Variants in FAM171A1 observed in about 807,000 individuals in gnomAD.
FAM171A1 encodes the protein family with sequence similarity 171 member A1, also known as protein FAM171A1.
FAM171A1 carries 23 observed loss-of-function variants against 74.9 expected under a neutral mutation model. The ratio of observed to expected loss-of-function variants is 0.31; its 90% CI spans 0.22 to 0.44. The LOEUF (loss-of-function observed/expected upper bound fraction) is 0.44. Ranked by LOEUF, FAM171A1 falls within the 20% of genes least tolerant of loss-of-function variation. The pLI, the probability that FAM171A1 is intolerant of heterozygous loss-of-function variation, is 1.00. For missense variants in FAM171A1, 1,162 were observed against 1,159.2 expected (o/e 1.00, Z -0.03); for synonymous variants, 527 against 505.7 (o/e 1.04, Z -0.57).
intron 1 of FAM171A1, among the ~76,000 whole-genome samples, chr10:15,352,449 G>T (rs540438704): frequency 4.7e-4 from 72 of 152,238 alleles, no homozygotes; most frequent in African/African-American, 1.7e-3. Flanking sequence ...GGGTCCAAAA[G>T]CTAGTAGCTC....
intron 1 of FAM171A1, among the ~76,000 whole-genome samples, chr10:15,299,922 G>A (rs987395566): frequency 6.6e-6 from 1 of 151,782 alleles, no homozygotes; most frequent in African/African-American, 2.4e-5. Flanking sequence ...AGCTTGCAGT[G>A]AACCGAGCTA....
At chr10:15,228,809 C>T (rs544710318) in intron 5 of FAM171A1, among the ~76,000 whole-genome samples, 43 of 152,302 alleles carry the variant, frequency 2.8e-4, no homozygotes, top group African/African-American at 9.1e-4. Flanking sequence ...TAGTCGTGTG[C>T]GCTGAGGACA....
chr10:15,348,003 G>T (rs891320570), intron 1 of FAM171A1, among the ~76,000 whole-genome samples: 2 of 151,926 alleles, frequency 1.3e-5, no homozygotes, highest in Non-Finnish European at 2.9e-5. Flanking sequence ...TTTGAGACGG[G>T]GTCTTGTTCT....
At chr10:15,244,019 G>C (rs1415596662) in intron 5 of FAM171A1, among the ~76,000 whole-genome samples, 1 of 152,064 alleles carries the variant, frequency 6.6e-6, no homozygotes, top group East Asian at 1.9e-4. Flanking sequence ...CAAAGTGCTG[G>C]GATTACAGGC....
chr10:15,222,563 C>T (rs1834052438), intron 5 of FAM171A1, among the ~76,000 whole-genome samples: 2 of 152,248 alleles, frequency 1.3e-5, no homozygotes, highest in South Asian at 2.1e-4. Flanking sequence ...ACCCAATCAT[C>T]ATCCTGTGAC....
rs1206832690 is a variant in FAM171A1, at chr10:15,352,050, AAAAATACAATTTTTTTTTGT to A, written c.97+18886_97+18905del. ...TAAATACAAAAATACAAAATACAAA[AAAAATACAATTTTTTTTTGT>A]AAAAATACAAAAAAAAAAAATTAGC... On this transcript the variant is annotated intron_variant, in intron 1 of 7. Coordinates refer to ENST00000378116, the MANE Select transcript of FAM171A1 (RefSeq NM_001010924.2). Among the ~76,000 whole-genome samples the A allele has an allele frequency of 8.9e-4, 73 of 81,772 alleles. No homozygotes were observed. The East Asian group carries it at 0.015, about 16-fold the overall frequency. The allele number at this position is 81,772 out of a possible 152,430, so 53.6% of individuals were successfully genotyped here.
At chr10:15,218,783 G>C (rs754978985) in intron 6 of FAM171A1, among the ~76,000 whole-genome samples, 2 of 151,998 alleles carry the variant, frequency 1.3e-5, no homozygotes, top group Non-Finnish European at 1.5e-5. Context: ...TTTTTTAGAA[G>C]TGGGGTCTTG....
At chr10:15,294,632 A>G (rs529798117) in intron 1 of FAM171A1, among the ~76,000 whole-genome samples, 3 of 152,348 alleles carry the variant, frequency 2.0e-5, no homozygotes, top group Admixed American at 6.5e-5. Context: ...TACAAAGAGC[A>G]TCTGCTTTGT....
At chr10:15,233,644 C>T (rs1252981927) in intron 5 of FAM171A1, among the ~76,000 whole-genome samples, 2 of 151,974 alleles carry the variant, frequency 1.3e-5, no homozygotes, top group East Asian at 3.9e-4. Context: ...TGGCTCACGC[C>T]TGTAATCCCA....
intron 4 of FAM171A1, among the ~76,000 whole-genome samples, chr10:15,254,487 C>A (rs1405141781): frequency 1.3e-5 from 2 of 152,208 alleles, no homozygotes; most frequent in Non-Finnish European, 2.9e-5. Context: ...GTGCTTAAGG[C>A]AACTGGTAAC....
intron 5 of FAM171A1, among the ~76,000 whole-genome samples, chr10:15,246,076 T>G (rs776170441): frequency 6.6e-6 from 1 of 152,170 alleles, no homozygotes; most frequent in Non-Finnish European, 1.5e-5. Flanking sequence ...ATGACCTTGA[T>G]GCCCCCCAAA....
intron 3 of FAM171A1, among the ~76,000 whole-genome samples, chr10:15,265,547 T>A (rs1188344768): frequency 7.8e-6 from 1 of 127,758 alleles, no homozygotes; most frequent in Middle Eastern, 5.2e-3. Context: ...CCTGGGAAGT[T>A]GAGGCAACAA....
At chr10:15,335,338 T>C (rs1835688529) in intron 1 of FAM171A1, among the ~76,000 whole-genome samples, 1 of 152,132 alleles carries the variant, frequency 6.6e-6, no homozygotes, top group South Asian at 2.1e-4. Flanking sequence ...ACACACACAC[T>C]CAAACAAGTT....
intron 5 of FAM171A1, among the ~76,000 whole-genome samples, chr10:15,243,799 GTATACATTGAC>G (rs1188759586): frequency 2.0e-5 from 3 of 151,800 alleles, no homozygotes; most frequent in African/African-American, 7.3e-5. Context: ...TACAGTCAAT[GTATACATTGAC>G]TGAGCAGCTC....
chr10:15,344,571 A>G (rs558996833), intron 1 of FAM171A1, among the ~76,000 whole-genome samples: 34 of 152,340 alleles, frequency 2.2e-4, no homozygotes, highest in Middle Eastern at 3.4e-3. Flanking sequence ...GCCCAGGTAC[A>G]TTCAAATTTC....
chr10:15,220,798 T>C (rs1834028194), intron 6 of FAM171A1, 146 bp downstream of exon 6: 4 of 662,258 alleles, frequency 6.0e-6, no homozygotes, highest in Non-Finnish European at 1.0e-5. Flanking sequence ...ATACCTTCTT[T>C]ACATCATCTC....
At chr10:15,372,062 G>C (rs1309787712), upstream of FAM171A1, among the ~76,000 whole-genome samples, 1 of 152,198 alleles carries the variant, frequency 6.6e-6, no homozygotes, top group Non-Finnish European at 1.5e-5. Context: ...GGGCAGGACA[G>C]GGCGGATGGG....
intron 4 of FAM171A1, among the ~76,000 whole-genome samples, chr10:15,253,859 C>G (rs943304059): frequency 6.6e-6 from 1 of 152,154 alleles, no homozygotes; most frequent in African/African-American, 2.4e-5. Flanking sequence ...GGGGACCATT[C>G]CAGTGCAAAG....
At chr10:15,330,723 T>C (rs1835619181) in intron 1 of FAM171A1, among the ~76,000 whole-genome samples, 1 of 138,310 alleles carries the variant, frequency 7.2e-6, no homozygotes, top group African/African-American at 2.7e-5. Context: ...CTTTTTTTTT[T>C]TTTTTTTTTT....
Sources: allele counts gnomAD v4.1 joint callset (sites outside exome capture counted in the v4.1 genomes callset), GRCh38; gene constraint gnomAD v4.1.1; transcripts MANE v1.5; gene names NCBI Gene and HGNC (gene_info 2026-07-23, HGNC 2026-07-21).